Variants in DST observed in about 807,000 individuals in gnomAD.
DST encodes the protein bullous pemphigoid antigen.
DST carries 253 observed loss-of-function variants against 875.2 expected under a neutral mutation model. The ratio of observed to expected loss-of-function variants is 0.29; its 90% CI spans 0.26 to 0.32. The LOEUF is 0.32. Among genes scored for constraint, DST ranks in the 10% least tolerant of loss-of-function variants. DST has a pLI of 1.00. For missense variants in DST, 8,287 were observed against 9,111.6 expected (o/e 0.91, Z 3.68); for synonymous variants, 3,124 against 3,197.1 (o/e 0.98, Z 0.77).
At position 56,954,662 on chromosome 6, in the gene DST, C is replaced by G; in HGVS notation, c.-75G>C. Reference sequence around the variant, plus strand: ...CACAGGCACCCGCGCTGGGCGCACGCCGGGACGGCGGGCACGGGTGAGCGC... The same window carrying G: ...CACAGGCACCCGCGCTGGGCGCACGGCGGGACGGCGGGCACGGGTGAGCGC... On this transcript the variant is annotated 5_prime_UTR_variant, in exon 1 of 104. Transcript: ENST00000680361. 1 of 1,059,980 alleles carries G rather than the reference C, an allele frequency of 9.4e-7. No individual in the cohort carries two copies. Among genetic ancestry groups the G allele is most frequent in the Non-Finnish European group, 1.2e-6 (1 of 850,680 alleles). The allele number at this position is 1,059,980 out of a possible 1,614,324, so 65.7% of individuals were successfully genotyped here. A position where few individuals can be genotyped will look rare whatever the true frequency, so the allele number is the denominator to read the frequency against.
At chr6:56,908,065 T>A (rs1797180583) in intron 2 of DST, among the ~76,000 whole-genome samples, 1 of 148,070 alleles carries the variant, frequency 6.8e-6, no homozygotes, top group Non-Finnish European at 1.5e-5. Context: ...TGAGACTTCG[T>A]CAAAACAAAA....
Position 56,624,533 on chromosome 6 carries a change from C to T in DST, c.4926G>A (p.Glu1642=). ...AGDSLKRLEE[E]EKSLEEEKKE... ...GGTGCTCACTGTTAATGATTACCTC[C>T]TCCTCTTCCAGCCTCTTCAATGAAT... The change falls in exon 36 of 104, where the codon GAG becomes GAA. Residue 1642 remains glutamate, a synonymous_variant. Transcript: ENST00000680361. 6.2e-7 allele frequency: 1 copy of T among 1,605,360 alleles called. No homozygotes were observed.
At chr6:56,841,431 T>G (rs1441686646) in intron 4 of DST, among the ~76,000 whole-genome samples, 1 of 152,250 alleles carries the variant, frequency 6.6e-6, no homozygotes, top group African/African-American at 2.4e-5. Flanking sequence ...AAAATGTATC[T>G]GTTTAAGGGC....
intron 15 of DST, chr6:56,642,940 C>G: frequency 1.4e-6 from 2 of 1,456,344 alleles, no homozygotes; most frequent in Non-Finnish European, 1.8e-6. Flanking sequence ...CATGCATATG[C>G]AACACACAGC....
chr6:56,558,790 C>T (rs1176586069), intron 58 of DST, among the ~76,000 whole-genome samples: 1 of 152,134 alleles, frequency 6.6e-6, no homozygotes, highest in Non-Finnish European at 1.5e-5. Context: ...TCTATCCCTG[C>T]TGATTTCATC....
intron 60 of DST, among the ~76,000 whole-genome samples, chr6:56,554,560 A>C (rs1179519032): frequency 6.6e-6 from 1 of 152,224 alleles, no homozygotes; most frequent in Non-Finnish European, 1.5e-5. Context: ...ATACAGATTA[A>C]ATTACAGTAC....
At chr6:56,812,103 A>AG (rs1455125226) in intron 4 of DST, among the ~76,000 whole-genome samples, 9 of 142,522 alleles carry the variant, frequency 6.3e-5, no homozygotes, top group African/African-American at 2.4e-4. Flanking sequence ...CTCTGACTCA[A>AG]AAAAAAAAAA....
rs780013870 is a variant in DST, at chr6:56,628,001, T to C, written c.4636A>G (p.Lys1546Glu). The change falls in exon 33 of 104, where the codon AAG (lysine) becomes GAG (glutamate). Residue 1546 changes from lysine (K) to glutamate (E), a missense_variant and splice_region_variant. By Grantham distance (56) the Lys-to-Glu change is moderately conservative. Transcript: ENST00000680361. ...TAGAGGGAATTATTTTTACATACCT[T>C]CTGTTGATTCAACTGTGTGGCTAGG... ...KTLATQLNQQKMLVSEIEMKQ... is the reference protein window; with the variant it reads ...KTLATQLNQQEMLVSEIEMKQ... 6.2e-7 allele frequency: 1 copy of C among 1,613,678 alleles called. No homozygotes were observed. Among genetic ancestry groups the C allele is most frequent in the Non-Finnish European group, 8.5e-7 (1 of 1,179,628 alleles).
chr6:56,773,721 T>C (rs908553317), intron 4 of DST, among the ~76,000 whole-genome samples: 5 of 152,200 alleles, frequency 3.3e-5, no homozygotes, highest in Non-Finnish European at 7.3e-5. Context: ...TTTTTGAATA[T>C]TGGCTTAAAA....
chr6:56,604,770 A>G lies in DST; in HGVS notation c.9858T>C (p.Asn3286=), dbSNP rs1321387432. ...CACACCGCTCCGACTGCAGAAAATC[A>G]TTTTTCCCAACATCTTCTACATGTT... is the stretch of plus-strand genomic sequence containing the variant. ...SRKHVEDVGK[N]DFLQSERCAN... Residue 3286 remains asparagine, a synonymous_variant, in exon 40 of 104, where the codon AAT becomes AAC. Transcript: ENST00000680361. The G allele has an allele frequency of 6.2e-7, 1 of 1,612,766 alleles. No homozygotes were observed. The highest frequency in any genetic ancestry group is 8.5e-7 in the Non-Finnish European group (1 of 1,179,214).
chr6:56,562,018 A>T (rs1403123153), intron 56 of DST, 120 bp downstream of exon 56: 4 of 538,918 alleles, frequency 7.4e-6, no homozygotes, highest in Non-Finnish European at 1.2e-5. Context: ...CTATTAGATT[A>T]AATACCATTG....
chr6:56,692,002 T>C (rs911061642), intron 9 of DST, among the ~76,000 whole-genome samples: 1 of 152,210 alleles, frequency 6.6e-6, no homozygotes, highest in Non-Finnish European at 1.5e-5. Flanking sequence ...TACAAAGCTA[T>C]TGTCTTCTCA....
chr6:56,922,834 C>T (rs574213048), intron 2 of DST, among the ~76,000 whole-genome samples: 82 of 152,224 alleles, frequency 5.4e-4, no homozygotes, highest in African/African-American at 1.9e-3. Flanking sequence ...TGGTCAGATA[C>T]AAATAATGCT....
intron 4 of DST, among the ~76,000 whole-genome samples, chr6:56,846,871 C>T (rs2127567312): frequency 6.6e-6 from 1 of 151,930 alleles, no homozygotes; most frequent in Non-Finnish European, 1.5e-5. Context: ...GGCATGATGG[C>T]ACACACCTTT....
rs1482802762 is a variant in DST, at chr6:56,714,681, GT to G, written c.688-10313del. ...TTTACTGGAAGATGCTCAGGTCCCA[GT>G]GCCCTAACTAGAGCTTCATGTCCAT... On this transcript the variant is annotated intron_variant, in intron 5 of 103. Coordinates refer to ENST00000680361, the MANE Select transcript of DST (RefSeq NM_001374736.1). This position sits in a 1 kb window ranked among gnomAD's most constrained non-coding sequence, Gnocchi z 4.5. Among the ~76,000 whole-genome samples, 17 of 152,204 alleles carry G rather than the reference GT, an allele frequency of 1.1e-4. No homozygotes were observed. The highest frequency in any genetic ancestry group is 1.5e-5 in the Non-Finnish European group (1 of 68,038).
intron 59 of DST, among the ~76,000 whole-genome samples, chr6:56,556,479 C>A (rs2097420868): frequency 6.6e-6 from 1 of 152,108 alleles, no homozygotes; most frequent in Non-Finnish European, 1.5e-5. Context: ...ATTTATCTAT[C>A]TATCTCTGGG....
intron 5 of DST, among the ~76,000 whole-genome samples, chr6:56,732,233 T>G (rs1210711949): frequency 6.6e-6 from 1 of 152,318 alleles, no homozygotes; most frequent in East Asian, 1.9e-4. Flanking sequence ...TTTGAAAATA[T>G]AGAGTGGCAT....
At chr6:56,680,417 C>T (rs1329205782) in intron 9 of DST, among the ~76,000 whole-genome samples, 1 of 152,190 alleles carries the variant, frequency 6.6e-6, no homozygotes, top group East Asian at 1.9e-4. Context: ...TCAGCAAACA[C>T]TCATAAATGT....
At chr6:56,661,690 G>A (rs555239432) in intron 10 of DST, among the ~76,000 whole-genome samples, 3 of 151,788 alleles carry the variant, frequency 2.0e-5, no homozygotes, top group African/African-American at 4.8e-5. Flanking sequence ...AGGTTCAAGC[G>A]ATTCCCCTGC....
Sources: gnomAD v4.1 joint callset for allele counts (sites outside exome capture counted in the v4.1 genomes callset) on GRCh38, gnomAD v4.1.1 for gene constraint, Gnocchi (gnomAD v3.1) non-coding constraint, MANE v1.5 for transcripts, NCBI Gene and HGNC (gene_info 2026-07-23, HGNC 2026-07-21) for gene names.